The following SVEP1 variants were observed in gnomAD, a reference collection of about 807,000 sequenced individuals.
SVEP1 encodes the protein sushi, von Willebrand factor type A, EGF and pentraxin domain containing 1, also known as sushi, von Willebrand factor type A, EGF and pentraxin domain-containing protein 1.
SVEP1 carries 164 observed loss-of-function variants against 367.3 expected under a neutral mutation model. The observed-to-expected ratio is 0.45, with a 90% CI of 0.39 to 0.51. The LOEUF is 0.51. Among genes scored for constraint, SVEP1 ranks in the 20% least tolerant of loss-of-function variants. The pLI is 0.00. For synonymous variants in SVEP1, 1,666 were observed against 1,611.6 expected (o/e 1.03, Z -0.81); for missense variants, 4,117 against 4,425.3 (o/e 0.93, Z 1.98).
chr9:110,527,110 A>G (rs1275317390), intron 3 of SVEP1, among the ~76,000 whole-genome samples: 4 of 152,102 alleles, frequency 2.6e-5, no homozygotes, highest in African/African-American at 4.8e-5. Context: ...AATGTTCTGT[A>G]TTGAAACCAT....
intron 15 of SVEP1, 37 bp from the exon 16 acceptor site, chr9:110,471,634 A>AT: frequency 6.8e-7 from 1 of 1,467,398 alleles, no homozygotes; most frequent in Non-Finnish European, 9.4e-7. Context: ...ACACAAACAC[A>AT]TGGTGTTTCA....
Position 110,450,925 on chromosome 9 carries a change from T to C in SVEP1, c.3901+364A>G, listed in dbSNP as rs573688263. ...TGCCTTTTTCCTTCACTGGACACTT[T>C]CTTGGATTTACTCTTTAGAAATTAA... On this transcript the variant is annotated intron_variant, in intron 23 of 47. Transcript: ENST00000374469. 2.0e-5 allele frequency among the ~76,000 whole-genome samples: 3 copies of C among 152,334 alleles called. No homozygotes were observed. In the South Asian group the frequency reaches 6.2e-4, roughly 32 times the overall value.
chr9:110,455,930 G>A (rs1374174313), intron 21 of SVEP1, among the ~76,000 whole-genome samples: 1 of 152,188 alleles, frequency 6.6e-6, no homozygotes, highest in Non-Finnish European at 1.5e-5. Flanking sequence ...GATAGCAAAA[G>A]ATCCCAAATT....
At chr9:110,441,291 C>A (rs1325216794) in intron 27 of SVEP1, among the ~76,000 whole-genome samples, 1 of 152,134 alleles carries the variant, frequency 6.6e-6, no homozygotes, top group African/African-American at 2.4e-5. Flanking sequence ...TATTAATCTC[C>A]CAATACTCCC....
intron 1 of SVEP1, among the ~76,000 whole-genome samples, chr9:110,562,257 A>C (rs1830441664): frequency 6.6e-6 from 1 of 152,132 alleles, no homozygotes. Context: ...AGTCATCAGA[A>C]TCCAAATGAA....
At chr9:110,390,030 TATATATATAA>T (rs1827606800) in intron 40 of SVEP1, among the ~76,000 whole-genome samples, 3 of 104,930 alleles carry the variant, frequency 2.9e-5, no homozygotes, top group Non-Finnish European at 6.1e-5. Flanking sequence ...TGTGTGTGTA[TATATATATAA>T]GTATATATAC....
At chr9:110,499,449 A>G (rs1284351398) in intron 6 of SVEP1, among the ~76,000 whole-genome samples, 1 of 152,236 alleles carries the variant, frequency 6.6e-6, no homozygotes, top group Non-Finnish European at 1.5e-5. Flanking sequence ...TTGCCAGTGC[A>G]TCATCAAAAC....
intron 5 of SVEP1, among the ~76,000 whole-genome samples, chr9:110,504,576 C>A (rs1235946742): frequency 6.6e-6 from 1 of 152,216 alleles, no homozygotes; most frequent in East Asian, 1.9e-4. Flanking sequence ...AGCTATTACA[C>A]CAACTTTGGA....
Position 110,408,470 on chromosome 9 carries a change from T to C in SVEP1, c.7130A>G (p.Lys2377Arg), listed in dbSNP as rs372300684. The change falls in exon 38 of 48, where the codon AAG becomes AGG. Residue 2377 changes from lysine (K) to arginine (R), a missense_variant. Physicochemically the swap from Lys to Arg is conservative, Grantham distance 26. This residue lies in a region of SVEP1 where 1,765 missense variants were observed against 1,781.1 expected (regional missense o/e 0.99). Transcript: ENST00000374469. ...GGGAGGTGGGGTACAAAGAACAATC[T>C]TACAAACAGGGAAAGAGTCATTCCA... is the stretch of plus-strand genomic sequence containing the variant. ...QQWNDSFPVC[K>R]IVLCTPPPLI... 1.9e-4 allele frequency: 310 copies of C among 1,613,782 alleles called. 3 individuals are homozygous for C. The highest frequency in any genetic ancestry group is 1.5e-3 in the Middle Eastern group (9 of 6,084).
rs199868284 is a variant in SVEP1 at position 110,406,415 on chromosome 9, G to C, written c.9185C>G (p.Thr3062Ser). 1.9e-6 allele frequency: 3 copies of C among 1,614,066 alleles called. No individual in the cohort carries two copies. The South Asian group carries it at 3.3e-5, about 18-fold the overall frequency. ...TATCATTGGAAGAGAACCACAAGAA[G>C]TGTGTTCACAGTGGGGGAACCCAGA... ...WSSGFPHCEH[T>S]SCGSLPMIPN... is the part of the protein sequence containing the mutation. Residue 3062 changes from threonine to serine, a missense_variant, in exon 38 of 48, where the codon ACT (threonine) becomes AGT (serine). Physicochemically the swap from Thr to Ser is moderately conservative, Grantham distance 58. Around this residue, in one of 4 missense-constraint regions of SVEP1, gnomAD observed 1,765 missense variants for 1,781.1 expected, o/e 0.99. Coordinates refer to ENST00000374469, the MANE Select transcript of SVEP1 (RefSeq NM_153366.4).
chr9:110,423,117 T>C (rs549674600), intron 36 of SVEP1, among the ~76,000 whole-genome samples: 2 of 84,042 alleles, frequency 2.4e-5, no homozygotes, highest in South Asian at 3.4e-4. Flanking sequence ...ACTTAGAGTA[T>C]AATAAAAAAT....
At chr9:110,450,392 G>T in intron 23 of SVEP1, 132 bp from the exon 24 acceptor site, 1 of 843,082 alleles carries the variant, frequency 1.2e-6, no homozygotes, top group Non-Finnish European at 1.8e-6. Context: ...CATCAAACTG[G>T]TTTGAGATCC....
At chr9:110,511,488 C>CTTTTTTTTTTTTTTTTTTTTTTTT (rs199993986) in intron 5 of SVEP1, among the ~76,000 whole-genome samples, 1 of 77,550 alleles carries the variant, frequency 1.3e-5, no homozygotes, top group African/African-American at 4.5e-5. Context: ...GTGTCAGTAC[C>CTTTTTTTTTTTTTTTTTTTTTTTT]TTTTTTTTTT....
chr9:110,467,691 A>C (rs1035465535), intron 17 of SVEP1, among the ~76,000 whole-genome samples: 2 of 147,134 alleles, frequency 1.4e-5, no homozygotes, highest in Non-Finnish European at 3.0e-5. Flanking sequence ...GCTGGAGTGC[A>C]GTGGTGCGGT....
rs1827629370 is a variant in SVEP1 at position 110,390,314 on chromosome 9, T to TATATAA, written c.9823-728_9823-727insTTATAT. On this transcript the variant is annotated intron_variant, in intron 40 of 47. Transcript: ENST00000374469. ...ACTTATATATACTTATATAAGTATG[T>TATATAA]GTATATATACTTATATATACACATA... Among the ~76,000 whole-genome samples the TATATAA allele has an allele frequency of 4.6e-4, 10 of 21,728 alleles. 2 individuals carry two copies. The highest frequency in any genetic ancestry group is 2.0e-3 in the African/African-American group (10 of 5,098). 14.3% of individuals were successfully genotyped at this position (21,728 alleles called of 152,430 possible).
chr9:110,464,055 C>G (rs1330821515), intron 18 of SVEP1, among the ~76,000 whole-genome samples: 1 of 152,104 alleles, frequency 6.6e-6, no homozygotes, highest in Non-Finnish European at 1.5e-5. Flanking sequence ...CAAATGTGAA[C>G]TTGTTTCACT....
chr9:110,365,307 A>T lies in SVEP1; in HGVS notation c.*1232T>A, dbSNP rs1445865684. ...GAAAGTAGACTCATAAGCATGTAAG[A>T]CTGGCCAAGAAAGTGAATGTCAAGA... On this transcript the variant is annotated 3_prime_UTR_variant, in exon 48 of 48. Transcript: ENST00000374469. 6.6e-6 allele frequency: 1 copy of T among 152,212 alleles called. No homozygotes were observed. The highest frequency in any genetic ancestry group is 1.9e-4 in the East Asian group (1 of 5,206). 9.4% of individuals were successfully genotyped at this position (152,212 alleles called of 1,614,324 possible).
chr9:110,489,916 C>T, intron 8 of SVEP1, 137 bp from the exon 9 acceptor site: 1 of 1,076,036 alleles, frequency 9.3e-7, no homozygotes. Context: ...AGCTTTCTGG[C>T]ATATTTCTTT....
intron 9 of SVEP1, among the ~76,000 whole-genome samples, chr9:110,488,230 G>C (rs540410550): frequency 1.3e-5 from 2 of 152,270 alleles, no homozygotes; most frequent in South Asian, 4.1e-4. Context: ...TTTAGGTTTA[G>C]GTGAGTTTGA....
Sources: allele counts gnomAD v4.1 joint callset (sites outside exome capture counted in the v4.1 genomes callset), GRCh38; gene constraint gnomAD v4.1.1; regional missense constraint gnomAD v4.1.1; transcripts MANE v1.5; gene names NCBI Gene and HGNC (gene_info 2026-07-23, HGNC 2026-07-21).